AOPEP: variants seen among roughly 807,000 people sequenced by gnomAD.
AOPEP encodes aminopeptidase O (putative).
Under a neutral mutation model 98.1 loss-of-function variants are expected in AOPEP, and 77 were observed. The ratio of observed to expected loss-of-function variants is 0.78; its 90% CI spans 0.65 to 0.95. AOPEP has a LOEUF of 0.95. Ranked by LOEUF, AOPEP falls within the 40% of genes least tolerant of loss-of-function variation. The probability of loss-of-function intolerance (pLI) is 0.00; values close to 1 mark genes in which losing one functional copy is unlikely to be tolerated. For synonymous variants in AOPEP, 346 were observed against 365.3 expected (o/e 0.95, Z 0.60); for missense variants, 1,024 against 1,024.7 (o/e 1.00, Z 0.01).
At chr9:94,827,497 A>G (rs1459861456) in intron 5 of AOPEP, among the ~76,000 whole-genome samples, 1 of 152,148 alleles carries the variant, frequency 6.6e-6, no homozygotes, top group Non-Finnish European at 1.5e-5. Flanking sequence ...AATGTTCCAT[A>G]TTTGGTTTCT....
chr9:94,776,313 G>T (rs12336308), intron 3 of AOPEP, among the ~76,000 whole-genome samples: 8,488 of 151,952 alleles, frequency 0.056, 348 homozygotes, highest in South Asian at 0.11. Flanking sequence ...ATTATTATTT[G>T]TTTTTTGGAG....
intron 5 of AOPEP, chr9:94,900,830 G>A (rs1429270807): frequency 6.6e-6 from 1 of 152,168 alleles, no homozygotes; most frequent in Non-Finnish European, 1.5e-5. Context: ...ATAGATCTGC[G>A]ATTCTGGGAA....
the AOPEP span, among the ~76,000 whole-genome samples, chr9:95,125,994 C>T: frequency 3.9e-5 from 6 of 152,194 alleles, no homozygotes; most frequent in South Asian, 2.1e-4. Context: ...GTGAGCTCCT[C>T]GTCTCTTGCC....
chr9:95,060,660 G>A (rs78266830), intron 13 of AOPEP, 34 bp from the exon 14 acceptor site: 36,683 of 1,383,894 alleles, frequency 0.027, 790 homozygotes, highest in Non-Finnish European at 0.029. Flanking sequence ...TCAACTGAAT[G>A]GCATTTTCAT....
At chr9:94,957,758 A>G (rs1039538681) in intron 9 of AOPEP, among the ~76,000 whole-genome samples, 1 of 151,802 alleles carries the variant, frequency 6.6e-6, no homozygotes, top group African/African-American at 2.4e-5. Flanking sequence ...TTCTGTCTCT[A>G]TGGATTTGCC....
intron 5 of AOPEP, among the ~76,000 whole-genome samples, chr9:94,826,706 G>T (rs899777324): frequency 2.0e-5 from 3 of 152,080 alleles, no homozygotes; most frequent in Non-Finnish European, 2.9e-5. Context: ...AATAATGATG[G>T]TGGTGGTGGT....
chr9:94,831,100 G>A (rs1331580762), intron 5 of AOPEP, among the ~76,000 whole-genome samples: 1 of 152,098 alleles, frequency 6.6e-6, no homozygotes, highest in East Asian at 1.9e-4. Flanking sequence ...AATTGCTTTT[G>A]GCATTTTTGT....
At chr9:94,903,146 A>G (rs1002330342) in intron 5 of AOPEP, among the ~76,000 whole-genome samples, 34 of 151,170 alleles carry the variant, frequency 2.2e-4, no homozygotes, top group African/African-American at 8.0e-4. Context: ...ACACTCGGCT[A>G]ATTTTTGTCT....
At chr9:95,089,001 G>A (rs1374516294), downstream of AOPEP, among the ~76,000 whole-genome samples, 1 of 152,222 alleles carries the variant, frequency 6.6e-6, no homozygotes, top group Non-Finnish European at 1.5e-5. Context: ...TGGAGGTGAG[G>A]GAGGGAGGAA....
At chr9:94,996,611 C>T (rs182771105) in intron 11 of AOPEP, among the ~76,000 whole-genome samples, 34 of 152,338 alleles carry the variant, frequency 2.2e-4, no homozygotes, top group Admixed American at 1.1e-3. Context: ...TGTGCCCACA[C>T]TTCCAGATAC....
At chr9:94,990,461 C>T (rs944263044) in intron 11 of AOPEP, among the ~76,000 whole-genome samples, 2 of 152,142 alleles carry the variant, frequency 1.3e-5, no homozygotes, top group African/African-American at 2.4e-5. Flanking sequence ...ACTCAAAGAA[C>T]TAGGACAAAG....
downstream of AOPEP, among the ~76,000 whole-genome samples, chr9:95,087,406 C>T (rs2070783693): frequency 7.0e-6 from 1 of 142,984 alleles, no homozygotes; most frequent in Non-Finnish European, 1.5e-5. Flanking sequence ...TCGCTTGAAC[C>T]CAGGAGGTGG....
chr9:95,142,082 T>G, the AOPEP span, among the ~76,000 whole-genome samples: 3,165 of 131,192 alleles, frequency 0.024, 44 homozygotes, highest in Non-Finnish European at 0.035. Flanking sequence ...AACCTCTGCC[T>G]CCCGGGTTCA....
the AOPEP span, among the ~76,000 whole-genome samples, chr9:95,105,961 C>T: frequency 6.6e-6 from 1 of 152,266 alleles, no homozygotes. Context: ...CCAGCCCCTG[C>T]TTTCGGCTCT....
intron 13 of AOPEP, among the ~76,000 whole-genome samples, chr9:95,023,385 C>G (rs946634615): frequency 6.6e-5 from 10 of 152,204 alleles, no homozygotes; most frequent in Admixed American, 6.5e-4. Context: ...AGCCCAGTCA[C>G]TTCTCTAGTG....
At chr9:94,973,252 GT>G (rs1163342485) in intron 10 of AOPEP, among the ~76,000 whole-genome samples, 1 of 152,170 alleles carries the variant, frequency 6.6e-6, no homozygotes, top group Non-Finnish European at 1.5e-5. Context: ...GGAGCCAAAA[GT>G]GATGAAGACA....
rs538292872 is a variant in AOPEP, at chr9:94,777,172, C to T, written c.964+4004C>T. On this transcript the variant is annotated intron_variant, in intron 3 of 16. Transcript: ENST00000375315. ...TGTTAAGGCTGGGCGGGGTGGCTCA[C>T]GCCTGTAATCCCAGCACTTCGGGAG... Among the ~76,000 whole-genome samples, 9 of 152,184 alleles carry T rather than the reference C, an allele frequency of 5.9e-5. No homozygotes were observed. The South Asian group carries it at 1.5e-3, about 25-fold the overall frequency.
intron 11 of AOPEP, among the ~76,000 whole-genome samples, chr9:94,995,485 G>A (rs959339490): frequency 1.3e-5 from 2 of 152,148 alleles, no homozygotes; most frequent in Non-Finnish European, 2.9e-5. Flanking sequence ...ATTCCCAGCT[G>A]TGGATTTCCT....
At chr9:95,018,278 G>A (rs548401494) in intron 13 of AOPEP, among the ~76,000 whole-genome samples, 4 of 152,246 alleles carry the variant, frequency 2.6e-5, no homozygotes, top group South Asian at 4.2e-4. Context: ...TAGTTTCTCT[G>A]CCTCCTTGTC....
Sources: gnomAD v4.1 joint callset for allele counts (sites outside exome capture counted in the v4.1 genomes callset) on GRCh38, gnomAD v4.1.1 for gene constraint, MANE v1.5 for transcripts, NCBI Gene and HGNC (gene_info 2026-07-23, HGNC 2026-07-21) for gene names.